Variants in TRAF5 observed in about 807,000 individuals in gnomAD.
TRAF5 encodes TNF receptor-associated factor 5.
In TRAF5, 48 loss-of-function variants were observed where a neutral mutation model predicts 64.5. That is an observed-to-expected ratio of 0.74 (90% CI 0.59 to 0.95). TRAF5 has a LOEUF of 0.95. Among genes scored for constraint, TRAF5 ranks in the 40% least tolerant of loss-of-function variants. The probability of loss-of-function intolerance (pLI) is 0.00; values close to 1 mark genes in which losing one functional copy is unlikely to be tolerated. For synonymous variants in TRAF5, 206 were observed against 240.5 expected, an observed-to-expected ratio of 0.86 and a Z score of 1.33; for missense variants, 545 against 662.8, an observed-to-expected ratio of 0.82 and a Z score of 1.95.
At chr1:211,350,920 G>A (rs1702765610) in intron 1 of TRAF5, among the ~76,000 whole-genome samples, 1 of 152,076 alleles carries the variant, frequency 6.6e-6, no homozygotes. Context: ...CATGTTGCCT[G>A]GGCTAGACTC....
rs564076354 is a variant in TRAF5 at position 211,359,936 on chromosome 1, C to T, written c.403C>T (p.Gln135Ter). The T allele has an allele frequency of 1.4e-5, 23 of 1,614,036 alleles. No homozygotes were observed. In the South Asian group the frequency reaches 2.4e-4, roughly 17 times the overall value. Residue 135 changes from glutamine to a stop codon, truncating the protein, a stop_gained, in exon 5 of 11, where the codon CAA becomes TAA. Coordinates refer to ENST00000261464, the MANE Select transcript of TRAF5 (RefSeq NM_001033910.3). LOFTEE classifies it high-confidence loss of function. ...YQDHLQQCLF[Q>*]PVQCSNEKCR... ...GGATCACCTTCAGCAGTGCTTATTT[C>T]AACCTGTGCAGTGTTCTAATGAGAA... is the stretch of plus-strand genomic sequence containing the variant.
chr1:211,340,353 C>T (rs1243960005), intron 1 of TRAF5, among the ~76,000 whole-genome samples: 3 of 152,104 alleles, frequency 2.0e-5, no homozygotes, highest in Admixed American at 6.5e-5. Flanking sequence ...GGCACAATCC[C>T]GGCTCACTGC....
At chr1:211,371,009 T>C (rs1275858979) in intron 9 of TRAF5, among the ~76,000 whole-genome samples, 1 of 151,798 alleles carries the variant, frequency 6.6e-6, no homozygotes, top group African/African-American at 2.4e-5. Flanking sequence ...AAAATAAATA[T>C]ATAAAGATAG....
intron 1 of TRAF5, among the ~76,000 whole-genome samples, chr1:211,333,113 G>A (rs1305639452): frequency 6.6e-6 from 1 of 152,198 alleles, no homozygotes; most frequent in Admixed American, 6.5e-5. Context: ...CCTCGTAACA[G>A]AAGTGCTAGA....
chr1:211,351,487 A>G (rs1702786135), intron 1 of TRAF5, among the ~76,000 whole-genome samples: 1 of 152,116 alleles, frequency 6.6e-6, no homozygotes, highest in Non-Finnish European at 1.5e-5. Context: ...ATCTACCGCA[A>G]TGGCAGTGAT....
chr1:211,340,971 C>G (rs1431128662), intron 1 of TRAF5, among the ~76,000 whole-genome samples: 2 of 152,198 alleles, frequency 1.3e-5, no homozygotes, highest in Non-Finnish European at 2.9e-5. Flanking sequence ...TCTGATCACC[C>G]CAACAGTGAG....
At chr1:211,357,806 T>C (rs1375002747) in intron 4 of TRAF5, 2 of 152,226 alleles carry the variant, frequency 1.3e-5, no homozygotes, top group Non-Finnish European at 2.9e-5. Flanking sequence ...CTTTTTCTTC[T>C]GAGAAGGGAT....
At chr1:211,340,410 G>A (rs1487926103) in intron 1 of TRAF5, among the ~76,000 whole-genome samples, 1 of 152,094 alleles carries the variant, frequency 6.6e-6, no homozygotes, top group Non-Finnish European at 1.5e-5. Context: ...TCAGCCTCCC[G>A]AGTAGCTGGG....
intron 1 of TRAF5, among the ~76,000 whole-genome samples, chr1:211,333,957 G>C (rs780415802): frequency 1.3e-5 from 2 of 152,162 alleles, no homozygotes; most frequent in Non-Finnish European, 2.9e-5. Context: ...AGGCTTCTTT[G>C]TTGGGGGTCC....
intron 1 of TRAF5, among the ~76,000 whole-genome samples, chr1:211,341,511 C>T (rs1293424540): frequency 2.0e-5 from 3 of 152,108 alleles, no homozygotes; most frequent in Non-Finnish European, 2.9e-5. Context: ...TTGGGCCTGC[C>T]GACTTATTCC....
chr1:211,328,815 TTTTG>T (rs1244638146), intron 1 of TRAF5, among the ~76,000 whole-genome samples: 3 of 152,210 alleles, frequency 2.0e-5, no homozygotes, highest in African/African-American at 7.2e-5. Flanking sequence ...GTTCTTGTCG[TTTTG>T]TTCTCATTTC....
intron 9 of TRAF5, 23 bp downstream of exon 9, chr1:211,369,615 A>T: frequency 6.5e-7 from 1 of 1,537,306 alleles, no homozygotes; most frequent in Non-Finnish European, 8.7e-7. Context: ...CTTTGCGTTG[A>T]AAGCCAAGAT....
intron 1 of TRAF5, among the ~76,000 whole-genome samples, chr1:211,340,804 G>T (rs1702427039): frequency 6.6e-6 from 1 of 152,216 alleles, no homozygotes; most frequent in Admixed American, 6.5e-5. Flanking sequence ...TTCTCTGTTG[G>T]ATTACCAATA....
intron 1 of TRAF5, among the ~76,000 whole-genome samples, chr1:211,337,487 C>G (rs1400523488): frequency 1.3e-5 from 2 of 152,110 alleles, no homozygotes; most frequent in Non-Finnish European, 2.9e-5. Flanking sequence ...TGGCTTCTAC[C>G]CCGAGTGCAA....
intron 10 of TRAF5, 29 bp downstream of exon 10, chr1:211,371,499 G>T (rs1005465572): frequency 2.5e-6 from 4 of 1,596,664 alleles, no homozygotes; most frequent in Non-Finnish European, 3.4e-6. Context: ...TTCTCTTTTG[G>T]TGACTCATTT....
intron 7 of TRAF5, among the ~76,000 whole-genome samples, chr1:211,364,122 A>G (rs1703272901): frequency 6.6e-6 from 1 of 152,148 alleles, no homozygotes; most frequent in Non-Finnish European, 1.5e-5. Context: ...GATGATAAAT[A>G]TTTAGTTAAA....
chr1:211,358,475 T>TA (rs556432633), intron 4 of TRAF5: 3,333 of 110,760 alleles, frequency 0.03, 50 homozygotes, highest in Middle Eastern at 0.093. Context: ...AGACTCTGTC[T>TA]AAAAAAAAAA....
At chr1:211,371,516 A>G in intron 10 of TRAF5, 46 bp downstream of exon 10, 1 of 1,577,696 alleles carries the variant, frequency 6.3e-7, no homozygotes, top group Non-Finnish European at 8.6e-7. Flanking sequence ...ATTTGTCTGC[A>G]TGTGTTCATG....
chr1:211,368,627 T>G (rs756340496), intron 8 of TRAF5, among the ~76,000 whole-genome samples: 58 of 152,218 alleles, frequency 3.8e-4, no homozygotes, highest in Non-Finnish European at 7.9e-4. Context: ...TTTGTTTCTG[T>G]TGTCATGTTA....
Sources: allele counts gnomAD v4.1 joint callset (sites outside exome capture counted in the v4.1 genomes callset), GRCh38; gene constraint gnomAD v4.1.1; transcripts MANE v1.5; gene names NCBI Gene and HGNC (gene_info 2026-07-23, HGNC 2026-07-21).